SATL1: variants seen among roughly 807,000 people sequenced by gnomAD.
SATL1 encodes spermidine/spermine N1-acetyl transferase like 1.
Under a neutral mutation model 51.8 loss-of-function variants are expected in SATL1, and 47 were observed. The ratio of observed to expected loss-of-function variants is 0.91; its 90% CI spans 0.72 to 1.16. SATL1 has a LOEUF of 1.16. SATL1 is among the 50% of genes most tolerant of loss of function. SATL1 has a pLI of 0.00. For synonymous variants in SATL1, 176 were observed against 182.4 expected (o/e 0.97, Z 0.28); for missense variants, 520 against 526.4 (o/e 0.99, Z 0.12).
chrX:85,150,125 A>G (rs1335119721), intron 2 of SATL1, among the ~76,000 whole-genome samples: 5 of 111,552 alleles, frequency 4.5e-5, no homozygotes, highest in Non-Finnish European at 9.4e-5. Context: ...AAAAATGATA[A>G]AGGGGATATC....
In SATL1 at chrX:85,150,182, A is replaced by T. The variant is rs1926386667; in HGVS notation, c.-312-40902T>A. On this transcript the variant is annotated intron_variant, in intron 2 of 7. Transcript: ENST00000644105. ...CAAACTACCATCAGAGAATACTAAAAACACCTCTATGCAAATAAACTAGAA... is the reference window on the plus strand; with the variant it reads ...CAAACTACCATCAGAGAATACTAAATACACCTCTATGCAAATAAACTAGAA... Among the ~76,000 whole-genome samples the T allele has an allele frequency of 2.7e-5, 3 of 111,806 alleles. No individual in the cohort carries two copies. In the Admixed American group the frequency reaches 2.9e-4, roughly 11 times the overall value.
intron 1 of SATL1, among the ~76,000 whole-genome samples, chrX:85,237,024 A>C (rs1308968882): frequency 9.0e-6 from 1 of 111,450 alleles, no homozygotes; most frequent in Non-Finnish European, 1.9e-5. Context: ...CTGAAAAAGA[A>C]ATTTTTTAAA....
At chrX:85,154,138 C>G (rs1037746398) in intron 2 of SATL1, among the ~76,000 whole-genome samples, 1 of 111,598 alleles carries the variant, frequency 9.0e-6, no homozygotes, top group African/African-American at 3.3e-5. Context: ...TGGAAAGTCA[C>G]TTCCCCAGAC....
At chrX:85,231,590 C>G (rs73627334) in intron 1 of SATL1, among the ~76,000 whole-genome samples, 2,153 of 112,438 alleles carry the variant, frequency 0.019, 48 homozygotes, top group African/African-American at 0.066. Context: ...CATGCCAGGG[C>G]AGTGGCAGAG....
At chrX:85,148,154 G>A (rs1454428397) in intron 2 of SATL1, among the ~76,000 whole-genome samples, 5 of 111,753 alleles carry the variant, frequency 4.5e-5, no homozygotes, top group African/African-American at 1.6e-4. Context: ...TGAAAGCCAA[G>A]GCTCGAGAAC....
intron 2 of SATL1, among the ~76,000 whole-genome samples, chrX:85,176,882 C>T (rs1011660217): frequency 9.0e-6 from 1 of 111,132 alleles, no homozygotes; most frequent in Non-Finnish European, 1.9e-5. Context: ...GCAGACACCA[C>T]CTTAACTATG....
intron 2 of SATL1, chrX:85,207,925 T>C (rs1276785693): frequency 8.9e-6 from 1 of 111,857 alleles, no homozygotes; most frequent in Non-Finnish European, 1.9e-5. Flanking sequence ...AATTATACTT[T>C]AAGTTCTAGG....
At chrX:85,222,393 G>C (rs186707834) in intron 2 of SATL1, among the ~76,000 whole-genome samples, 288 of 111,627 alleles carry the variant, frequency 2.6e-3, no homozygotes, top group African/African-American at 8.4e-3. Flanking sequence ...GTGGACAAAG[G>C]TTTCTTCCGT....
chrX:85,104,970 C>T (rs1925001046), intron 3 of SATL1, among the ~76,000 whole-genome samples: 1 of 111,237 alleles, frequency 9.0e-6, no homozygotes, highest in African/African-American at 3.3e-5. Flanking sequence ...CTTCTGGACT[C>T]TCCATTCTGT....
intron 2 of SATL1, among the ~76,000 whole-genome samples, chrX:85,154,205 C>A (rs1869879597): frequency 9.0e-6 from 1 of 111,123 alleles, no homozygotes; most frequent in Non-Finnish European, 1.9e-5. Context: ...TCCTTCCCAC[C>A]AAGGGTCAGT....
intron 2 of SATL1, among the ~76,000 whole-genome samples, chrX:85,163,002 C>CTT (rs546402967): frequency 6.2e-4 from 60 of 96,534 alleles, no homozygotes; most frequent in African/African-American, 1.7e-3. Context: ...CTGTAGTTTT[C>CTT]TTTTTTTTTT....
Position 85,221,968 on chromosome X carries a change from G to C in SATL1, c.-313+2237C>G, listed in dbSNP as rs566137246. On this transcript the variant is annotated intron_variant, in intron 2 of 7. Coordinates refer to ENST00000644105, the MANE Select transcript of SATL1 (RefSeq NM_001367857.2). ...TGATGCTGAGGCTGGCCTAAGAACA[G>C]GGTCTGGGTGGTTAGAGATTTTGTC... is the stretch of plus-strand genomic sequence containing the variant. Among the ~76,000 whole-genome samples the C allele has an allele frequency of 8.0e-5, 9 of 112,100 alleles. No homozygotes were observed. In the South Asian group the frequency reaches 3.4e-3, roughly 42 times the overall value.
At chrX:85,126,809 T>G (rs1007909022) in intron 2 of SATL1, among the ~76,000 whole-genome samples, 2 of 109,567 alleles carry the variant, frequency 1.8e-5, no homozygotes, top group African/African-American at 6.7e-5. Flanking sequence ...TACCAAACGA[T>G]GGCCTTTATT....
chrX:85,209,983 G>T (rs6653045), intron 2 of SATL1: 4 of 109,348 alleles, frequency 3.7e-5, no homozygotes, highest in Non-Finnish European at 7.6e-5. Flanking sequence ...TGCTATAAAT[G>T]TCCCTTTACA....
intron 2 of SATL1, among the ~76,000 whole-genome samples, chrX:85,109,874 G>T (rs1170691370): frequency 9.0e-6 from 1 of 110,906 alleles, no homozygotes; most frequent in Non-Finnish European, 1.9e-5. Context: ...GCTGGGCATG[G>T]TGGTGGGCAC....
At chrX:85,135,738 C>T (rs1388073067) in intron 2 of SATL1, among the ~76,000 whole-genome samples, 1 of 107,588 alleles carries the variant, frequency 9.3e-6, no homozygotes, top group Non-Finnish European at 1.9e-5. Context: ...CCACCGTGCT[C>T]GAGTAATTTT....
chrX:85,119,582 T>C (rs1023526789), intron 2 of SATL1, among the ~76,000 whole-genome samples: 11 of 111,988 alleles, frequency 9.8e-5, no homozygotes, highest in Middle Eastern at 9.2e-3. Context: ...AAAATAAATA[T>C]CGCTTTAAAT....
At chrX:85,233,405 C>T (rs775850302) in intron 1 of SATL1, among the ~76,000 whole-genome samples, 19 of 112,282 alleles carry the variant, frequency 1.7e-4, no homozygotes, top group African/African-American at 5.8e-4. Flanking sequence ...CAAACATCCA[C>T]CTAGGAAAAC....
chrX:85,128,685 C>T (rs1925694050), intron 2 of SATL1, among the ~76,000 whole-genome samples: 1 of 111,920 alleles, frequency 8.9e-6, no homozygotes, highest in African/African-American at 3.3e-5. Flanking sequence ...GCTTTTGTTG[C>T]CATTGCTTTT....
Sources: gnomAD v4.1 joint callset for allele counts (sites outside exome capture counted in the v4.1 genomes callset) on GRCh38, gnomAD v4.1.1 for gene constraint, MANE v1.5 for transcripts, NCBI Gene and HGNC (gene_info 2026-07-23, HGNC 2026-07-21) for gene names.